The following STARD13 variants were observed in gnomAD, a reference collection of about 807,000 sequenced individuals.
STARD13 encodes the protein stAR-related lipid transfer protein 13.
STARD13 carries 62 observed loss-of-function variants against 106.4 expected under a neutral mutation model. That is an observed-to-expected ratio of 0.58 (90% CI 0.48 to 0.72). STARD13 has a LOEUF of 0.72. Among genes scored for constraint, STARD13 ranks in the 30% least tolerant of loss-of-function variants. The pLI, the probability that STARD13 is intolerant of heterozygous loss-of-function variation, is 0.00. For missense variants in STARD13, 1,387 were observed against 1,424.0 expected (o/e 0.97, Z 0.42); for synonymous variants, 565 against 553.0 (o/e 1.02, Z -0.31).
chr13:33,353,968 G>T (rs1455124321), upstream of STARD13, among the ~76,000 whole-genome samples: 1 of 152,196 alleles, frequency 6.6e-6, no homozygotes, highest in African/African-American at 2.4e-5. Flanking sequence ...CAGAGTAAAT[G>T]AATGATTCTA....
At chr13:33,354,237 A>C (rs2078105640), upstream of STARD13, among the ~76,000 whole-genome samples, 1 of 152,216 alleles carries the variant, frequency 6.6e-6, no homozygotes, top group Admixed American at 6.5e-5. Flanking sequence ...GCATAAAAAG[A>C]GTCCCATTTG....
At chr13:33,560,859 T>C in the STARD13 span, among the ~76,000 whole-genome samples, 1 of 151,632 alleles carries the variant, frequency 6.6e-6, no homozygotes, top group Non-Finnish European at 1.5e-5. Context: ...CATAATTAAA[T>C]GCAATCTTGT....
At chr13:33,137,355 A>G (rs183642008) in intron 4 of STARD13, among the ~76,000 whole-genome samples, 114 of 152,364 alleles carry the variant, frequency 7.5e-4, no homozygotes, top group African/African-American at 2.7e-3. Flanking sequence ...TCACCTACTC[A>G]GCTCTGCCAT....
At chr13:33,404,830 G>A in the STARD13 span, among the ~76,000 whole-genome samples, 7 of 148,652 alleles carry the variant, frequency 4.7e-5, no homozygotes, top group Non-Finnish European at 7.4e-5. Context: ...AGGCTGGAGT[G>A]CAGTGGCATG....
chr13:33,180,103 T>C (rs187475138), intron 1 of STARD13, among the ~76,000 whole-genome samples: 35 of 152,344 alleles, frequency 2.3e-4, no homozygotes, highest in Admixed American at 5.2e-4. Flanking sequence ...TTCTGGTAAA[T>C]GAAGCTGTAT....
chr13:33,608,837 AG>A, the STARD13 span, among the ~76,000 whole-genome samples: 2 of 152,234 alleles, frequency 1.3e-5, no homozygotes, highest in Non-Finnish European at 2.9e-5. Flanking sequence ...CTGTAATCCC[AG>A]CACTTTGGGA....
At chr13:33,619,069 A>C in the STARD13 span, among the ~76,000 whole-genome samples, 1 of 151,408 alleles carries the variant, frequency 6.6e-6, no homozygotes. Flanking sequence ...TAAAGTTAGA[A>C]GACAGATTTC....
At chr13:33,628,141 CTT>C in the STARD13 span, among the ~76,000 whole-genome samples, 2 of 114,568 alleles carry the variant, frequency 1.7e-5, no homozygotes, top group African/African-American at 6.9e-5. Flanking sequence ...GACTCTCTCT[CTT>C]GTAAAACACA....
chr13:33,199,889 TC>T (rs1460340753), intron 1 of STARD13, among the ~76,000 whole-genome samples: 1 of 152,202 alleles, frequency 6.6e-6, no homozygotes, highest in Non-Finnish European at 1.5e-5. Context: ...GTACCAATGG[TC>T]CAGGATGCAG....
chr13:33,570,590 G>A, the STARD13 span, among the ~76,000 whole-genome samples: 1 of 124,450 alleles, frequency 8.0e-6, no homozygotes, highest in Non-Finnish European at 1.8e-5. Flanking sequence ...GTTCAGTTTT[G>A]CTCTTTTCTG....
chr13:33,516,153 A>G, the STARD13 span, among the ~76,000 whole-genome samples: 2 of 147,908 alleles, frequency 1.4e-5, no homozygotes, highest in African/African-American at 4.9e-5. Context: ...TAATTTATAT[A>G]TAATATATAA....
the STARD13 span, among the ~76,000 whole-genome samples, chr13:33,503,070 G>T: frequency 6.6e-6 from 1 of 152,140 alleles, no homozygotes. Flanking sequence ...CCTGTTATTG[G>T]TCTATTCAGG....
chr13:33,200,980 T>C (rs892460880), intron 1 of STARD13, among the ~76,000 whole-genome samples: 21 of 151,908 alleles, frequency 1.4e-4, no homozygotes, highest in African/African-American at 4.8e-4. Flanking sequence ...GAGCCGAGAT[T>C]GTGCCACTGC....
the STARD13 span, among the ~76,000 whole-genome samples, chr13:33,488,153 A>T: frequency 2.0e-5 from 3 of 151,742 alleles, no homozygotes; most frequent in South Asian, 6.2e-4. Context: ...TCTGTCCTTA[A>T]TCTTCCTTTT....
chr13:33,152,833 G>A (rs1010667859), intron 3 of STARD13, among the ~76,000 whole-genome samples: 8 of 152,146 alleles, frequency 5.3e-5, no homozygotes, highest in South Asian at 2.1e-4. Context: ...GCCTGGTCCC[G>A]CGTTAATTCC....
intron 13 of STARD13, among the ~76,000 whole-genome samples, chr13:33,106,370 C>T (rs1380348780): frequency 6.6e-6 from 1 of 152,078 alleles, no homozygotes; most frequent in Non-Finnish European, 1.5e-5. Context: ...GCAGTGAGCC[C>T]TGATGGTGCC....
the STARD13 span, among the ~76,000 whole-genome samples, chr13:33,390,366 T>G: frequency 0.012 from 1,885 of 152,208 alleles, 49 homozygotes; most frequent in African/African-American, 0.042. Flanking sequence ...CAACCTGGTG[T>G]TTTAATAGAA....
At chr13:33,294,455 C>T (rs1479077934) in intron 1 of STARD13, among the ~76,000 whole-genome samples, 1 of 152,190 alleles carries the variant, frequency 6.6e-6, no homozygotes, top group Admixed American at 6.5e-5. Flanking sequence ...TGCTACCTTA[C>T]CAAAGTGGGA....
intron 4 of STARD13, among the ~76,000 whole-genome samples, chr13:33,133,136 C>T (rs1167658865): frequency 1.3e-5 from 2 of 152,030 alleles, no homozygotes; most frequent in Non-Finnish European, 2.9e-5. Context: ...TAGTGTTGGC[C>T]CCAACTACCT....
Sources: gnomAD v4.1 joint callset for allele counts (sites outside exome capture counted in the v4.1 genomes callset) on GRCh38, gnomAD v4.1.1 for gene constraint, MANE v1.5 for transcripts, NCBI Gene and HGNC (gene_info 2026-07-23, HGNC 2026-07-21) for gene names.